The following CATSPERD variants were observed in gnomAD, a reference collection of about 807,000 sequenced individuals.
CATSPERD encodes catsper channel auxiliary subunit delta, also known as cation channel sperm-associated auxiliary subunit delta.
Under a neutral mutation model 98.1 loss-of-function variants are expected in CATSPERD, and 86 were observed. The ratio of observed to expected loss-of-function variants is 0.88; its 90% CI spans 0.74 to 1.05. The LOEUF is 1.05. Among genes scored for constraint, CATSPERD ranks in the 50% least tolerant of loss-of-function variants. The probability of loss-of-function intolerance (pLI) is 0.00; values close to 1 mark genes in which losing one functional copy is unlikely to be tolerated. For missense variants in CATSPERD, 995 were observed against 1,005.7 expected (o/e 0.99, Z 0.14); for synonymous variants, 394 against 390.2 (o/e 1.01, Z -0.12).
intron 11 of CATSPERD, among the ~76,000 whole-genome samples, chr19:5,751,062 AAT>A (rs1165528445): frequency 3.3e-5 from 5 of 150,362 alleles, no homozygotes; most frequent in Admixed American, 6.7e-5. Flanking sequence ...AAAATACAAA[AAT>A]TAGCCGGGCA....
At position 5,748,252 on chromosome 19, in the gene CATSPERD, G is replaced by A; in HGVS notation, c.901G>A (p.Val301Ile). 6.2e-7 allele frequency: 1 copy of A among 1,613,268 alleles called. No homozygotes were observed. Among genetic ancestry groups the A allele is most frequent in the East Asian group, 2.2e-5 (1 of 44,882 alleles). Residue 301 changes from valine to isoleucine, a missense_variant, in exon 10 of 22, where the codon GTC becomes ATC. By Grantham distance (29) the Val-to-Ile change is conservative. Coordinates refer to ENST00000381624, the MANE Select transcript of CATSPERD (RefSeq NM_152784.4). Reference protein sequence around the residue: ...EAKITIHNIAVTENELAVITR... With the variant: ...EAKITIHNIAITENELAVITR... ...CAAGATCACCATCCACAACATTGCT[G>A]TCAGTGCGTAGCCGACCCACTGCTA...
chr19:5,758,129 G>A (rs2056362378), intron 14 of CATSPERD, among the ~76,000 whole-genome samples, 197 bp downstream of exon 14: 1 of 152,078 alleles, frequency 6.6e-6, no homozygotes, highest in South Asian at 2.1e-4. Flanking sequence ...GACCCGGATG[G>A]CATGACAGGG....
intron 13 of CATSPERD, among the ~76,000 whole-genome samples, 199 bp downstream of exon 13, chr19:5,754,444 G>C (rs1203675941): frequency 7.6e-6 from 1 of 132,100 alleles, no homozygotes; most frequent in African/African-American, 2.7e-5. Flanking sequence ...TGTCCATTAG[G>C]CTGGAGTGCA....
intron 12 of CATSPERD, chr19:5,753,706 TA>T (rs200318587): frequency 0.02 from 4,463 of 218,364 alleles, no homozygotes; most frequent in South Asian, 0.048. Flanking sequence ...TTGTCTCTAT[TA>T]AAAAAAAAAA....
intron 5 of CATSPERD, among the ~76,000 whole-genome samples, chr19:5,736,740 C>CAAAT (rs1012298066): frequency 6.6e-6 from 1 of 151,020 alleles, no homozygotes; most frequent in Non-Finnish European, 1.5e-5. Flanking sequence ...GACTCTCTCT[C>CAAAT]AAATAAATAA....
chr19:5,734,309 C>A (rs1293970217), intron 5 of CATSPERD, among the ~76,000 whole-genome samples: 1 of 152,158 alleles, frequency 6.6e-6, no homozygotes, highest in Non-Finnish European at 1.5e-5. Context: ...TCGAGACCAG[C>A]CTGACCAACA....
Position 5,778,371 on chromosome 19 carries a change from C to T in CATSPERD, c.2097-5C>T, listed in dbSNP as rs202193492. ...ACAGCCTCTCCCCGCCTCCCCCCAC[C>T]GCAGCTACTGTCAACTGGAGACCAT... On this transcript the variant is annotated splice_region_variant and splice_polypyrimidine_tract_variant and intron_variant, in intron 21 of 21. Coordinates refer to ENST00000381624, the MANE Select transcript of CATSPERD (RefSeq NM_152784.4). 3.6e-4 allele frequency: 567 copies of T among 1,596,788 alleles called. 2 individuals are homozygous for T. Among genetic ancestry groups the T allele is most frequent in the Non-Finnish European group, 3.9e-4 (451 of 1,168,822 alleles).
intron 9 of CATSPERD, among the ~76,000 whole-genome samples, chr19:5,747,445 G>A (rs1434097832): frequency 6.6e-6 from 1 of 151,938 alleles, no homozygotes; most frequent in Non-Finnish European, 1.5e-5. Context: ...TGGGATTACA[G>A]ATGAGAGCCA....
rs547910130 is a variant in CATSPERD at position 5,760,621 on chromosome 19, A to G, written c.1427+1477A>G. Reference sequence around the variant, plus strand: ...GATGGGGAGTGAGTGTTTCATGAGGACCAAGTTTCAGTTGGGGAAGATGAG... The same window carrying G: ...GATGGGGAGTGAGTGTTTCATGAGGGCCAAGTTTCAGTTGGGGAAGATGAG... On this transcript the variant is annotated intron_variant, in intron 15 of 21. Transcript: ENST00000381624. Among the ~76,000 whole-genome samples the G allele has an allele frequency of 5.3e-5, 8 of 152,046 alleles. No individual in the cohort carries two copies. The South Asian group carries it at 1.5e-3, about 28-fold the overall frequency.
In CATSPERD at chr19:5,742,139, C is replaced by T. The variant is rs556981154; in HGVS notation, c.574-2288C>T. Among the ~76,000 whole-genome samples, 12 of 140,686 alleles carry T rather than the reference C, an allele frequency of 8.5e-5. No homozygotes were observed. In the East Asian group the frequency reaches 9.8e-4, roughly 11 times the overall value. 92.3% of individuals were successfully genotyped at this position (140,686 alleles called of 152,430 possible). A position where few individuals can be genotyped will look rare whatever the true frequency, so the allele number is the denominator to read the frequency against. ...TAGCGTTTGTGTGTGCGTGTGTGCG[C>T]GTGTGTACGTGTGTGAACGTGTGTG... On this transcript the variant is annotated intron_variant, in intron 7 of 21. Coordinates refer to ENST00000381624, the MANE Select transcript of CATSPERD (RefSeq NM_152784.4).
At chr19:5,732,727 G>A (rs1173191242) in intron 4 of CATSPERD, among the ~76,000 whole-genome samples, 1 of 152,166 alleles carries the variant, frequency 6.6e-6, no homozygotes. Context: ...CCAGGCTGGA[G>A]TGCAGTGGTG....
chr19:5,754,273 C>T (rs1371112169), intron 13 of CATSPERD, 28 bp downstream of exon 13: 1 of 1,534,786 alleles, frequency 6.5e-7, no homozygotes, highest in Non-Finnish European at 9.0e-7. Flanking sequence ...TTTCTGCTAT[C>T]TGGGATTCTC....
chr19:5,763,850 T>TTTTTTTTTTTTTTTTTTTTTTTTTTG, intron 16 of CATSPERD, among the ~76,000 whole-genome samples: 2 of 125,894 alleles, frequency 1.6e-5, no homozygotes, highest in Non-Finnish European at 1.7e-5. Context: ...TGAACTCCTT[T>TTTTTTTTTTTTTTTTTTTTTTTTTTG]TTTTTTTTTT....
Position 5,776,117 on chromosome 19 carries a change from T to A in CATSPERD, c.1942-44T>A, listed in dbSNP as rs775640723. The A allele has an allele frequency of 6.3e-6, 10 of 1,597,116 alleles. No homozygotes were observed. The Admixed American group carries it at 1.7e-4, about 27-fold the overall frequency. ...GGGAGGAGGGAGGCTCAGGGCCCCCTCCCCAGTCCCTAGGGCCAGTGGGCA... is the reference window on the plus strand; with the variant it reads ...GGGAGGAGGGAGGCTCAGGGCCCCCACCCCAGTCCCTAGGGCCAGTGGGCA... On this transcript the variant is annotated intron_variant, in intron 20 of 21. Transcript: ENST00000381624.
chr19:5,738,352 CA>C (rs767298084), intron 6 of CATSPERD, among the ~76,000 whole-genome samples: 46,431 of 104,824 alleles, frequency 0.44, 7,830 homozygotes, highest in Non-Finnish European at 0.49. Flanking sequence ...ACTCAAAATA[CA>C]AAAAAAAAAA....
At chr19:5,755,234 T>G (rs981305246) in intron 13 of CATSPERD, among the ~76,000 whole-genome samples, 1 of 152,104 alleles carries the variant, frequency 6.6e-6, no homozygotes, top group East Asian at 1.9e-4. Context: ...AGGAAGTGTT[T>G]GGATGTTTCT....
chr19:5,738,974 C>T (rs947347144), intron 6 of CATSPERD, among the ~76,000 whole-genome samples: 2 of 151,068 alleles, frequency 1.3e-5, no homozygotes, highest in Admixed American at 6.6e-5. Context: ...CTGATCCGCC[C>T]GCCTCAGCCT....
intron 17 of CATSPERD, 131 bp downstream of exon 17, chr19:5,766,286 A>C: frequency 6.3e-6 from 2 of 315,320 alleles, no homozygotes; most frequent in Non-Finnish European, 1.0e-5. Context: ...CCCCGTCTCT[A>C]CTGAAAAAAA....
chr19:5,762,058 A>ATATATATATATATATATTTTTTTT lies in CATSPERD; in HGVS notation c.1428-1156_1428-1155insATATATATATATATATTTTTTTTT. 1.2e-3 allele frequency among the ~76,000 whole-genome samples: 13 copies of ATATATATATATATATATTTTTTTT among 10,418 alleles called. 1 individual carries two copies. Among genetic ancestry groups the ATATATATATATATATATTTTTTTT allele is most frequent in the Non-Finnish European group, 1.8e-3 (10 of 5,566 alleles). 6.8% of individuals were successfully genotyped at this position (10,418 alleles called of 152,430 possible). On this transcript the variant is annotated intron_variant, in intron 15 of 21. Transcript: ENST00000381624. ...TGGCCTGCCATATATATATATATAT[A>ATATATATATATATATATTTTTTTT]TTTTTTTTTTTTTTTTTTTTTTTGA...
Sources: allele counts gnomAD v4.1 joint callset (sites outside exome capture counted in the v4.1 genomes callset), GRCh38; gene constraint gnomAD v4.1.1; transcripts MANE v1.5; gene names NCBI Gene and HGNC (gene_info 2026-07-23, HGNC 2026-07-21).